Variants in ABCB7 observed in about 807,000 individuals in gnomAD.
The protein encoded by ABCB7 is ATP binding cassette subfamily B member 7.
ABCB7 carries 7 observed loss-of-function variants against 54.4 expected under a neutral mutation model. That is an observed-to-expected ratio of 0.13 (90% CI 0.07 to 0.24). The LOEUF is 0.24. ABCB7 is among the 10% of genes least tolerant of loss of function. The pLI is 1.00. For synonymous variants in ABCB7, 218 were observed against 207.1 expected, an observed-to-expected ratio of 1.05 and a Z score of -0.45; for missense variants, 356 against 570.4, an observed-to-expected ratio of 0.62 and a Z score of 3.83.
chrX:75,114,106 G>C (rs2081787237), intron 2 of ABCB7, among the ~76,000 whole-genome samples: 1 of 111,519 alleles, frequency 9.0e-6, no homozygotes, highest in African/African-American at 3.2e-5. Flanking sequence ...CTTTAATAAT[G>C]GAAAATGTAA....
intron 1 of ABCB7, among the ~76,000 whole-genome samples, chrX:75,143,718 G>C (rs1318424092): frequency 9.0e-6 from 1 of 111,197 alleles, no homozygotes; most frequent in Non-Finnish European, 1.9e-5. Flanking sequence ...TCACATTGAT[G>C]ATGGTAGGCA....
At position 75,103,362 on chromosome X, in the gene ABCB7, A is replaced by G. The variant is rs1263999669; in HGVS notation, c.334-4301T>C. ...GACTCCAATTTTGCCAGCACAATTT[A>G]TTAAGGAGAGTGTCCTTTTCCCATG... On this transcript the variant is annotated intron_variant, in intron 3 of 15. Coordinates refer to ENST00000373394, the MANE Select transcript of ABCB7 (RefSeq NM_001271696.3). Among the ~76,000 whole-genome samples the G allele has an allele frequency of 8.1e-5, 9 of 111,442 alleles. No homozygotes were observed. In the Admixed American group the frequency reaches 8.6e-4, roughly 11 times the overall value.
chrX:75,148,882 T>G (rs1014003902), intron 1 of ABCB7, among the ~76,000 whole-genome samples: 2 of 111,556 alleles, frequency 1.8e-5, no homozygotes, highest in African/African-American at 6.5e-5. Flanking sequence ...CAAGCACACA[T>G]GTACATGCAC....
chrX:75,156,057 A>G (rs1403556187), intron 1 of ABCB7, 48 bp downstream of exon 1: 1 of 1,195,769 alleles, frequency 8.4e-7, no homozygotes, highest in Non-Finnish European at 1.1e-6. Flanking sequence ...TTTTCCCTAC[A>G]GGTCCCCTTG....
chrX:75,061,209 C>T (rs2081280062), intron 14 of ABCB7, among the ~76,000 whole-genome samples: 1 of 111,533 alleles, frequency 9.0e-6, no homozygotes, highest in Non-Finnish European at 1.9e-5. Flanking sequence ...CTCTGACATC[C>T]TACTGAAGAC....
In ABCB7 at chrX:75,071,706, T is replaced by G. The variant is rs758906595; in HGVS notation, c.1033-23A>C. 3.0e-6 allele frequency: 3 copies of G among 999,570 alleles called. No individual in the cohort carries two copies. The South Asian group carries it at 6.4e-5, about 21-fold the overall frequency. The allele number at this position is 999,570 out of a possible 1,213,427, so 82.4% of individuals were successfully genotyped here. A position where few individuals can be genotyped will look rare whatever the true frequency, so the allele number is the denominator to read the frequency against. ...ATACTACAAAATATATAAAAATAACTATAGGCAAGTATAATTAGAATTTAT... is the reference window on the plus strand; with the variant it reads ...ATACTACAAAATATATAAAAATAACGATAGGCAAGTATAATTAGAATTTAT... On this transcript the variant is annotated intron_variant, in intron 8 of 15. Transcript: ENST00000373394.
intron 15 of ABCB7, among the ~76,000 whole-genome samples, chrX:75,057,677 A>G (rs770077599): frequency 3.0e-4 from 34 of 111,504 alleles, no homozygotes; most frequent in Non-Finnish European, 5.6e-4. Flanking sequence ...GTGTGCATCA[A>G]TATGCCTTTC....
chrX:75,067,577 T>C (rs1321223353), intron 12 of ABCB7, among the ~76,000 whole-genome samples: 7 of 110,903 alleles, frequency 6.3e-5, no homozygotes, highest in Non-Finnish European at 1.1e-4. Context: ...CTCCGCCTCC[T>C]GGGTTCAAGC....
intron 15 of ABCB7, among the ~76,000 whole-genome samples, chrX:75,055,023 GT>G (rs1463454618): frequency 9.0e-6 from 1 of 111,338 alleles, no homozygotes; most frequent in Non-Finnish European, 1.9e-5. Context: ...AAATTCTCTT[GT>G]TTTCTGATCT....
At chrX:75,064,315 T>C (rs192274754) in intron 13 of ABCB7, among the ~76,000 whole-genome samples, 77 of 111,706 alleles carry the variant, frequency 6.9e-4, no homozygotes, top group Admixed American at 2.9e-3. Flanking sequence ...GTGGATTCGT[T>C]AAAATTCATA....
intron 4 of ABCB7, among the ~76,000 whole-genome samples, chrX:75,090,190 G>A (rs1274852071): frequency 1.8e-5 from 2 of 109,511 alleles, no homozygotes; most frequent in Non-Finnish European, 3.8e-5. Flanking sequence ...CATCCAACAA[G>A]AGCAGAATAC....
At chrX:75,099,944 G>T (rs1602370686) in intron 3 of ABCB7, among the ~76,000 whole-genome samples, 2 of 109,876 alleles carry the variant, frequency 1.8e-5, no homozygotes, top group South Asian at 7.8e-4. Flanking sequence ...GAGGGCATAT[G>T]AAAATGAGCA....
intron 4 of ABCB7, among the ~76,000 whole-genome samples, chrX:75,095,381 T>C (rs2081581884): frequency 8.9e-6 from 1 of 111,976 alleles, no homozygotes; most frequent in African/African-American, 3.2e-5. Flanking sequence ...TGATGAAAAA[T>C]AGGAAGCCAA....
chrX:75,053,175 A>G lies in ABCB7; in HGVS notation c.*195T>C. On this transcript the variant is annotated 3_prime_UTR_variant, in exon 16 of 16. Coordinates refer to ENST00000373394, the MANE Select transcript of ABCB7 (RefSeq NM_001271696.3). Reference sequence around the variant, plus strand: ...GCACAACCAGGACAGTGACAAGAAAATAATTTGGGGATAAATACAGATGCC... The same window carrying G: ...GCACAACCAGGACAGTGACAAGAAAGTAATTTGGGGATAAATACAGATGCC... 6.8e-6 allele frequency: 4 copies of G among 585,090 alleles called. No homozygotes were observed. In the South Asian group the frequency reaches 1.3e-4, roughly 18 times the overall value. 48.2% of individuals were successfully genotyped at this position (585,090 alleles called of 1,213,427 possible).
At chrX:75,127,160 T>A (rs997738119) in intron 1 of ABCB7, among the ~76,000 whole-genome samples, 2 of 111,465 alleles carry the variant, frequency 1.8e-5, no homozygotes, top group African/African-American at 6.5e-5. Flanking sequence ...AAATCCTCCA[T>A]AAAATACTGG....
At chrX:75,102,510 T>G (rs183025957) in intron 3 of ABCB7, among the ~76,000 whole-genome samples, 225 of 112,039 alleles carry the variant, frequency 2.0e-3, no homozygotes, top group Admixed American at 5.2e-3. Flanking sequence ...GATTTCACTT[T>G]TTTGTAGACT....
intron 12 of ABCB7, among the ~76,000 whole-genome samples, chrX:75,067,190 G>C (rs981109403): frequency 9.0e-6 from 1 of 111,648 alleles, no homozygotes; most frequent in Admixed American, 9.6e-5. Context: ...CTGGATATTA[G>C]GAATTTCAAA....
At chrX:75,084,953 T>C (rs1178100883) in intron 4 of ABCB7, among the ~76,000 whole-genome samples, 1 of 112,179 alleles carries the variant, frequency 8.9e-6, no homozygotes, top group African/African-American at 3.2e-5. Flanking sequence ...CAATACCAAG[T>C]GTTGACAAAG....
chrX:75,088,811 G>C (rs1442596909), intron 4 of ABCB7, among the ~76,000 whole-genome samples: 1 of 103,700 alleles, frequency 9.6e-6, no homozygotes, highest in African/African-American at 3.5e-5. Flanking sequence ...GGAAAGCTTA[G>C]AGGACACCAC....
Sources: allele counts gnomAD v4.1 joint callset (sites outside exome capture counted in the v4.1 genomes callset), GRCh38; gene constraint gnomAD v4.1.1; transcripts MANE v1.5; gene names NCBI Gene and HGNC (gene_info 2026-07-23, HGNC 2026-07-21).